B4GALNT3: variants seen among roughly 807,000 people sequenced by gnomAD.
B4GALNT3 encodes beta-1,4-N-acetylgalactosaminyltransferase 3.
In B4GALNT3, 86 loss-of-function variants were observed where a neutral mutation model predicts 120.2. The observed-to-expected ratio is 0.72, with a 90% confidence interval of 0.60 to 0.86. B4GALNT3 has a LOEUF of 0.86. Ranked by LOEUF, B4GALNT3 falls within the 40% of genes least tolerant of loss-of-function variation. The probability of loss-of-function intolerance (pLI) is 0.00; values close to 1 mark genes in which losing one functional copy is unlikely to be tolerated. For missense variants in B4GALNT3, 1,167 were observed against 1,298.9 expected (o/e 0.90, Z 1.56); for synonymous variants, 518 against 510.4 (o/e 1.01, Z -0.20).
At chr12:465,298 C>T (rs1946065851) in intron 1 of B4GALNT3, among the ~76,000 whole-genome samples, 2 of 152,256 alleles carry the variant, frequency 1.3e-5, no homozygotes, top group Admixed American at 6.5e-5. Flanking sequence ...ACTTTCAATT[C>T]TGGGCACATA....
chr12:484,076 A>G (rs1946266600), intron 1 of B4GALNT3, among the ~76,000 whole-genome samples: 2 of 152,236 alleles, frequency 1.3e-5, no homozygotes, highest in East Asian at 3.8e-4. Flanking sequence ...TCAGCATAAA[A>G]GCTGACATTT....
chr12:511,155 G>A (rs893734261), intron 1 of B4GALNT3, among the ~76,000 whole-genome samples: 1 of 149,436 alleles, frequency 6.7e-6, no homozygotes. Context: ...TCTGCCTCCT[G>A]AGCAGCTGAA....
At chr12:462,590 TA>T (rs1325211630) in intron 1 of B4GALNT3, among the ~76,000 whole-genome samples, 1 of 152,102 alleles carries the variant, frequency 6.6e-6, no homozygotes, top group African/African-American at 2.4e-5. Context: ...TCCCAGCCTC[TA>T]TGCCAGAATT....
intron 1 of B4GALNT3, among the ~76,000 whole-genome samples, chr12:517,715 T>G (rs757512630): frequency 3.3e-5 from 5 of 152,018 alleles, no homozygotes; most frequent in Non-Finnish European, 7.4e-5. Context: ...TATGTACTTG[T>G]CATGTTATCA....
chr12:475,683 C>G (rs1946177943), intron 1 of B4GALNT3, among the ~76,000 whole-genome samples: 1 of 152,152 alleles, frequency 6.6e-6, no homozygotes, highest in African/African-American at 2.4e-5. Context: ...ATTTTAGAAC[C>G]AGCTGACTTC....
chr12:469,543 A>G (rs1205508458), intron 1 of B4GALNT3, among the ~76,000 whole-genome samples: 5 of 152,074 alleles, frequency 3.3e-5, no homozygotes, highest in Non-Finnish European at 4.4e-5. Flanking sequence ...GCCACCAAAT[A>G]CACATTCTTC....
chr12:555,168 ACT>A (rs532068362), intron 14 of B4GALNT3: 68 of 334,638 alleles, frequency 2.0e-4, no homozygotes, highest in African/African-American at 1.4e-3. Flanking sequence ...ACAGAGTGAG[ACT>A]CTGTCTCAAA....
chr12:529,253 C>G (rs767265787), intron 1 of B4GALNT3, among the ~76,000 whole-genome samples: 4 of 152,220 alleles, frequency 2.6e-5, no homozygotes, highest in Non-Finnish European at 5.9e-5. Context: ...CGGGCTTACT[C>G]TCAGCCCCAC....
chr12:560,517 T>C (rs1473748993), intron 19 of B4GALNT3, among the ~76,000 whole-genome samples: 1 of 152,112 alleles, frequency 6.6e-6, no homozygotes, highest in East Asian at 1.9e-4. Context: ...ACTAGGTCTA[T>C]TGGTGTTTTT....
intron 3 of B4GALNT3, among the ~76,000 whole-genome samples, chr12:538,930 C>T (rs1373468569): frequency 6.6e-6 from 1 of 152,236 alleles, no homozygotes; most frequent in East Asian, 1.9e-4. Context: ...TGAGCATCTA[C>T]TACTGTCCGG....
intron 1 of B4GALNT3, among the ~76,000 whole-genome samples, chr12:515,400 T>C (rs373253634): frequency 4.2e-4 from 64 of 152,108 alleles, no homozygotes; most frequent in Admixed American, 1.5e-3. Flanking sequence ...GGTTTCACCA[T>C]GTTAGCCAGG....
In B4GALNT3 at chr12:553,627, C is replaced by T. The variant is rs751701597; in HGVS notation, c.1704C>T (p.Tyr568=). 4.6e-5 allele frequency: 75 copies of T among 1,613,900 alleles called. No individual in the cohort carries two copies. The highest frequency in any genetic ancestry group is 5.9e-5 in the Non-Finnish European group (70 of 1,179,912). ...AGTGGCTGAACCAGGTGGAGTCGTACATCGCAGAGCAGAGACGGGGTGACA... is the reference window on the plus strand; with the variant it reads ...AGTGGCTGAACCAGGTGGAGTCGTATATCGCAGAGCAGAGACGGGGTGACA... ...KTQWLNQVES[Y]IAEQRRGDRM... is the part of the protein sequence containing the mutation. The change falls in exon 14 of 20, where the codon TAC becomes TAT. Residue 568 remains tyrosine, a synonymous_variant. Coordinates refer to ENST00000266383, the MANE Select transcript of B4GALNT3 (RefSeq NM_173593.4).
chr12:541,808 C>T (rs12809716), intron 3 of B4GALNT3, among the ~76,000 whole-genome samples: 30 of 149,976 alleles, frequency 2.0e-4, no homozygotes, highest in African/African-American at 6.4e-4. Flanking sequence ...GTGCCTCCCT[C>T]GGCCCTCCTC....
Position 460,333 on chromosome 12 carries a change from G to A in B4GALNT3, c.-44G>A, listed in dbSNP as rs1343175400. The A allele has an allele frequency of 2.8e-5, 29 of 1,017,902 alleles. No individual in the cohort carries two copies. Among genetic ancestry groups the A allele is most frequent in the Non-Finnish European group, 3.4e-5 (29 of 851,784 alleles). 63.1% of individuals were successfully genotyped at this position (1,017,902 alleles called of 1,614,324 possible). A position where few individuals can be genotyped will look rare whatever the true frequency, so the allele number is the denominator to read the frequency against. On this transcript the variant is annotated 5_prime_UTR_variant, in exon 1 of 20. Transcript: ENST00000266383. The surrounding 1 kb of genome is among the most constrained non-coding windows in gnomAD (Gnocchi z 8.0). ...GCCCGGCCGGGGGGCGGCGGCTCGGGGGGTTGGAGCCCGCGCTGGCGGCGG... is the reference window on the plus strand; with the variant it reads ...GCCCGGCCGGGGGGCGGCGGCTCGGAGGGTTGGAGCCCGCGCTGGCGGCGG...
chr12:480,748 C>T (rs1430005052), intron 1 of B4GALNT3, among the ~76,000 whole-genome samples: 1 of 152,122 alleles, frequency 6.6e-6, no homozygotes, highest in African/African-American at 2.4e-5. Flanking sequence ...TAGGCGGGGG[C>T]TGTGAGGAGG....
At chr12:466,438 A>T (rs1360721374) in intron 1 of B4GALNT3, among the ~76,000 whole-genome samples, 2 of 152,244 alleles carry the variant, frequency 1.3e-5, no homozygotes, top group African/African-American at 4.8e-5. Context: ...TTCCACAAGC[A>T]CTTTTCGTTA....
Position 553,842 on chromosome 12 carries a change from C to T in B4GALNT3, c.1919C>T (p.Ala640Val), listed in dbSNP as rs1363300833. 3.1e-6 allele frequency: 5 copies of T among 1,614,202 alleles called. No homozygotes were observed. In the East Asian group the frequency reaches 1.1e-4, roughly 36 times the overall value. Residue 640 changes from alanine to valine, a missense_variant, in exon 14 of 20, where the codon GCC (alanine) becomes GTC (valine). Around this residue, in one of 3 missense-constraint regions of B4GALNT3, gnomAD observed 983 missense variants for 1,102.5 expected, o/e 0.89. Transcript: ENST00000266383. ...PVVNWDQTFS[A>V]RNLDFQALRT... ...GTAAACTGGGACCAGACCTTCAGTG[C>T]CCGGAATCTCGACTTCCAAGCCCTG...
At chr12:545,936 A>C (rs866741688) in intron 6 of B4GALNT3, among the ~76,000 whole-genome samples, 13 of 18,576 alleles carry the variant, frequency 7.0e-4, no homozygotes, top group South Asian at 2.6e-3. Context: ...TGGGGAGGTG[A>C]GAGGAGTGGG....
intron 19 of B4GALNT3, among the ~76,000 whole-genome samples, chr12:559,791 C>T (rs551728626): frequency 2.7e-4 from 41 of 152,222 alleles, no homozygotes; most frequent in Admixed American, 3.9e-4. Context: ...CGTCAGCTGC[C>T]GAGCGGGGAG....
Sources: gnomAD v4.1 joint callset for allele counts (sites outside exome capture counted in the v4.1 genomes callset) on GRCh38, gnomAD v4.1.1 for gene constraint, gnomAD v4.1.1 regional missense constraint, Gnocchi (gnomAD v3.1) non-coding constraint, MANE v1.5 for transcripts, NCBI Gene and HGNC (gene_info 2026-07-23, HGNC 2026-07-21) for gene names.